Variants in ERBB4 observed in about 807,000 individuals in gnomAD.
ERBB4 encodes receptor tyrosine-protein kinase erbB-4.
Under a neutral mutation model 158.0 loss-of-function variants are expected in ERBB4, and 42 were observed. The ratio of observed to expected loss-of-function variants is 0.27; its 90% CI spans 0.21 to 0.34. ERBB4 has a LOEUF of 0.34. Ranked by LOEUF, ERBB4 falls within the 10% of genes least tolerant of loss-of-function variation. ERBB4 has a pLI of 1.00. For synonymous variants in ERBB4, 583 were observed against 558.7 expected, an observed-to-expected ratio of 1.04 and a Z score of -0.61; for missense variants, 1,333 against 1,624.1, an observed-to-expected ratio of 0.82 and a Z score of 3.08.
intron 1 of ERBB4, among the ~76,000 whole-genome samples, chr2:212,222,299 T>C (rs1030536086): frequency 6.6e-6 from 1 of 151,598 alleles, no homozygotes; most frequent in Admixed American, 6.6e-5. Flanking sequence ...TTTACCATTC[T>C]AATTGCTGTC....
chr2:212,188,234 C>CTCTCTCT (rs1443869832), intron 1 of ERBB4, among the ~76,000 whole-genome samples: 354 of 24,090 alleles, frequency 0.015, 114 homozygotes, highest in Non-Finnish European at 0.021. Context: ...CTCTCTCTCT[C>CTCTCTCT]CCCCCCCCTC....
At chr2:211,408,218 G>T (rs114052778) in intron 25 of ERBB4, among the ~76,000 whole-genome samples, 2,357 of 152,242 alleles carry the variant, frequency 0.015, 55 homozygotes, top group African/African-American at 0.054. Context: ...TTTCTAGGTC[G>T]AGTACAGTAA....
chr2:211,477,074 C>T (rs1027092577), intron 20 of ERBB4, among the ~76,000 whole-genome samples: 1 of 152,066 alleles, frequency 6.6e-6, no homozygotes, highest in Non-Finnish European at 1.5e-5. Flanking sequence ...AATTGGTAGA[C>T]TTTAACTAAG....
At chr2:211,839,148 AGAGAAGGAGGAGGAGGAG>A (rs1278816557) in intron 3 of ERBB4, among the ~76,000 whole-genome samples, 3 of 96,748 alleles carry the variant, frequency 3.1e-5, no homozygotes, top group Non-Finnish European at 6.0e-5. Flanking sequence ...AGAGGGAGAG[AGAGAAGGAGGAGGAGGAG>A]GAGGAGGAGG....
chr2:212,535,230 G>T (rs1692981321), intron 1 of ERBB4, among the ~76,000 whole-genome samples: 1 of 151,636 alleles, frequency 6.6e-6, no homozygotes, highest in African/African-American at 2.4e-5. Context: ...CTTCTAAAAA[G>T]CCCCCTTTTA....
At chr2:211,946,911 T>C (rs1456211492) in intron 3 of ERBB4, among the ~76,000 whole-genome samples, 1 of 152,052 alleles carries the variant, frequency 6.6e-6, no homozygotes, top group Non-Finnish European at 1.5e-5. Context: ...GATGATCTGA[T>C]GTTATTGAAG....
intron 20 of ERBB4, among the ~76,000 whole-genome samples, chr2:211,540,556 G>GT (rs1291262876): frequency 1.3e-5 from 2 of 151,104 alleles, no homozygotes; most frequent in East Asian, 2.0e-4. Flanking sequence ...TTTTGTTTTT[G>GT]TTTTTTGTTT....
chr2:211,401,429 C>A (rs1192919824), intron 25 of ERBB4, among the ~76,000 whole-genome samples: 1 of 151,658 alleles, frequency 6.6e-6, no homozygotes, highest in Non-Finnish European at 1.5e-5. Context: ...CAGGCAGAGT[C>A]CTAATAAGAT....
intron 1 of ERBB4, among the ~76,000 whole-genome samples, chr2:212,277,634 C>G (rs909587875): frequency 6.6e-6 from 1 of 151,682 alleles, no homozygotes; most frequent in African/African-American, 2.4e-5. Context: ...CACAAAGTGT[C>G]CCCTGGCCAC....
intron 2 of ERBB4, among the ~76,000 whole-genome samples, chr2:212,085,259 T>C (rs1424231054): frequency 1.3e-5 from 2 of 151,908 alleles, no homozygotes; most frequent in Non-Finnish European, 2.9e-5. Flanking sequence ...TATCAAATAA[T>C]ATATTTGAAA....
chr2:211,869,161 A>G (rs2078280788), intron 3 of ERBB4, among the ~76,000 whole-genome samples: 1 of 152,214 alleles, frequency 6.6e-6, no homozygotes, highest in Admixed American at 6.5e-5. Flanking sequence ...AATCCTGCCA[A>G]GAACGAACTC....
rs147217982 is a variant in ERBB4, at chr2:211,992,544, T to TGAGA, written c.235-44932_235-44929dup. Among the ~76,000 whole-genome samples the TGAGA allele has an allele frequency of 1.5e-4, 17 of 114,444 alleles. No individual in the cohort carries two copies. In the South Asian group the frequency reaches 1.9e-3, roughly 13 times the overall value. 75.1% of individuals were successfully genotyped at this position (114,444 alleles called of 152,430 possible). On this transcript the variant is annotated intron_variant, in intron 2 of 27. Coordinates refer to ENST00000342788, the MANE Select transcript of ERBB4 (RefSeq NM_005235.3). ...AAGAAGAGAGGGAGATGAGAGACAG[T>TGAGA]GAGAGAGAGAGAGAGAGAGAGAGAA...
intron 1 of ERBB4, among the ~76,000 whole-genome samples, chr2:212,275,694 GA>G (rs1326255330): frequency 4.6e-5 from 7 of 151,740 alleles, no homozygotes; most frequent in Non-Finnish European, 1.0e-4. Flanking sequence ...ATATGGAAAG[GA>G]AAAACCGGTA....
intron 2 of ERBB4, among the ~76,000 whole-genome samples, chr2:211,949,629 T>C (rs1025469420): frequency 6.6e-6 from 1 of 152,214 alleles, no homozygotes. Context: ...CAGTGTATGA[T>C]CTAGTCATCA....
chr2:211,896,607 A>C (rs1033591812), intron 3 of ERBB4, among the ~76,000 whole-genome samples: 1 of 151,988 alleles, frequency 6.6e-6, no homozygotes, highest in African/African-American at 2.4e-5. Context: ...TCTTTTTTGC[A>C]TTTGTAGTCT....
chr2:212,228,714 G>A (rs1251983574), intron 1 of ERBB4, among the ~76,000 whole-genome samples: 7 of 152,178 alleles, frequency 4.6e-5, no homozygotes, highest in Admixed American at 4.6e-4. Context: ...GAAAGCAAAT[G>A]GAGAATAAGT....
At chr2:212,109,434 A>G (rs2079335513) in intron 2 of ERBB4, among the ~76,000 whole-genome samples, 1 of 152,144 alleles carries the variant, frequency 6.6e-6, no homozygotes, top group Non-Finnish European at 1.5e-5. Flanking sequence ...AACAATTACT[A>G]TGGTTCCCTT....
In ERBB4 at chr2:211,725,149, C is replaced by T. The variant is rs2106132081; in HGVS notation, c.668G>A (p.Gly223Glu). The change falls in exon 6 of 28, where the codon GGA becomes GAA. Residue 223 changes from glycine to glutamate, a missense_variant. Physicochemically the swap from Gly to Glu is moderately conservative, Grantham distance 98. This residue lies in a region of ERBB4 where 438 missense variants were observed against 586.9 expected (regional missense o/e 0.75). Coordinates refer to ENST00000342788, the MANE Select transcript of ERBB4 (RefSeq NM_005235.3). ...ATGGCAGCAGTCACTGACGTAAGGT[C>T]CGTAGCATCTGCCGTCACATTGTTC... ...CAEQCDGRCY[G>E]PYVSDCCHRE... is the part of the protein sequence containing the mutation. 1.9e-6 allele frequency: 3 copies of T among 1,614,034 alleles called. No individual in the cohort carries two copies. The highest frequency in any genetic ancestry group is 2.5e-6 in the Non-Finnish European group (3 of 1,179,974).
rs181646526 is a variant in ERBB4 at position 212,279,254 on chromosome 2, T to A, written c.83-154351A>T. 5.7e-3 allele frequency among the ~76,000 whole-genome samples: 857 copies of A among 151,426 alleles called. 13 individuals carry two copies. Among genetic ancestry groups the A allele is most frequent in the African/African-American group, 0.018 (760 of 41,268 alleles). Reference sequence around the variant, plus strand: ...ATAAAATTAAAAGGTGCATAAAATATCAGATTTAATATTTGCTACTGATCT... The same window carrying A: ...ATAAAATTAAAAGGTGCATAAAATAACAGATTTAATATTTGCTACTGATCT... On this transcript the variant is annotated intron_variant, in intron 1 of 27. Transcript: ENST00000342788.
Sources: allele counts gnomAD v4.1 joint callset (sites outside exome capture counted in the v4.1 genomes callset), GRCh38; gene constraint gnomAD v4.1.1; regional missense constraint gnomAD v4.1.1; transcripts MANE v1.5; gene names NCBI Gene and HGNC (gene_info 2026-07-23, HGNC 2026-07-21).